Variants in PTPRD observed in about 807,000 individuals in gnomAD.
PTPRD encodes the protein receptor-type tyrosine-protein phosphatase delta.
In PTPRD, 34 loss-of-function variants were observed where a neutral mutation model predicts 214.5. The ratio of observed to expected loss-of-function variants is 0.16; its 90% CI spans 0.12 to 0.21. PTPRD has a LOEUF of 0.21. Among genes scored for constraint, PTPRD ranks in the 10% least tolerant of loss-of-function variants. The pLI is 1.00. For missense variants in PTPRD, 2,545 were observed against 2,398.7 expected, an observed-to-expected ratio of 1.06 and a Z score of -1.27; for synonymous variants, 1,128 against 845.7, an observed-to-expected ratio of 1.33 and a Z score of -5.79.
At chr9:8,894,483 G>T (rs1418297557) in intron 11 of PTPRD, among the ~76,000 whole-genome samples, 1 of 148,018 alleles carries the variant, frequency 6.8e-6, no homozygotes, top group Non-Finnish European at 1.5e-5. Flanking sequence ...AAAAACAAAA[G>T]TCCATGTATC....
intron 4 of PTPRD, among the ~76,000 whole-genome samples, chr9:9,974,444 C>T (rs942780180): frequency 1.3e-5 from 2 of 152,160 alleles, no homozygotes; most frequent in Admixed American, 6.5e-5. Flanking sequence ...TTTTGTCCCC[C>T]TTTCCACAAC....
chr9:9,382,735 A>G (rs1478342584), intron 9 of PTPRD, among the ~76,000 whole-genome samples: 1 of 152,086 alleles, frequency 6.6e-6, no homozygotes, highest in Non-Finnish European at 1.5e-5. Flanking sequence ...ATTATGAAAA[A>G]CATTATGCAG....
chr9:9,374,327 T>C (rs1596579889), intron 9 of PTPRD, among the ~76,000 whole-genome samples: 1 of 152,090 alleles, frequency 6.6e-6, no homozygotes, highest in Admixed American at 6.6e-5. Flanking sequence ...TTATATGTAA[T>C]TTCTATAATT....
Position 8,485,337 on chromosome 9 carries a change from G to GA in PTPRD, c.3056-14dup. On this transcript the variant is annotated splice_polypyrimidine_tract_variant and intron_variant, in intron 28 of 45. Coordinates refer to ENST00000381196, the MANE Select transcript of PTPRD (RefSeq NM_002839.4). Reference sequence around the variant, plus strand: ...TTTTTTGCAAACACTGCTGGAAAAGGAAAAACAGTGTATTTAAACTATTCT... The same window carrying GA: ...TTTTTTGCAAACACTGCTGGAAAAGGAAAAAACAGTGTATTTAAACTATTCT... 1 of 1,583,792 alleles carries GA rather than the reference G, an allele frequency of 6.3e-7. No homozygotes were observed. Among genetic ancestry groups the GA allele is most frequent in the Non-Finnish European group, 8.7e-7 (1 of 1,152,956 alleles).
Position 10,002,988 on chromosome 9 carries a change from C to T in PTPRD, c.-472+30730G>A, listed in dbSNP as rs1014667348. 2.6e-5 allele frequency among the ~76,000 whole-genome samples: 4 copies of T among 151,290 alleles called. 1 individual carries two copies. The highest frequency in any genetic ancestry group is 5.9e-5 in the Non-Finnish European group (4 of 67,658). ...AAAAATTTAAATTTAAATGAAAGACCACCAACTAAAATGAGATAAAATTAC... is the reference window on the plus strand; with the variant it reads ...AAAAATTTAAATTTAAATGAAAGACTACCAACTAAAATGAGATAAAATTAC... On this transcript the variant is annotated intron_variant, in intron 4 of 45. Coordinates refer to ENST00000381196, the MANE Select transcript of PTPRD (RefSeq NM_002839.4).
chr9:8,753,599 A>G (rs1160018611), intron 11 of PTPRD, among the ~76,000 whole-genome samples: 1 of 152,244 alleles, frequency 6.6e-6, no homozygotes, highest in African/African-American at 2.4e-5. Context: ...GTGAGGAGAC[A>G]TGATAACTAT....
chr9:9,886,997 A>C (rs2153751283), intron 5 of PTPRD, among the ~76,000 whole-genome samples: 1 of 152,170 alleles, frequency 6.6e-6, no homozygotes, highest in East Asian at 1.9e-4. Context: ...CCTGATCCAC[A>C]ACAAACCATG....
intron 9 of PTPRD, among the ~76,000 whole-genome samples, chr9:9,265,289 T>C (rs962930521): frequency 1.3e-5 from 2 of 151,638 alleles, no homozygotes; most frequent in African/African-American, 4.8e-5. Flanking sequence ...AGAGATAGCA[T>C]CTCATTCTGT....
intron 3 of PTPRD, among the ~76,000 whole-genome samples, chr9:10,283,942 G>A (rs527349233): frequency 1.3e-5 from 2 of 152,228 alleles, no homozygotes; most frequent in African/African-American, 2.4e-5. Flanking sequence ...GGCACAGGAT[G>A]GACTCCTATT....
chr9:9,310,693 C>T (rs567807102), intron 9 of PTPRD, among the ~76,000 whole-genome samples: 152 of 151,816 alleles, frequency 1.0e-3, no homozygotes, highest in East Asian at 6.0e-3. Flanking sequence ...GGAAGCAGGC[C>T]GATCACCTGA....
intron 2 of PTPRD, among the ~76,000 whole-genome samples, chr9:10,539,907 C>A (rs549384271): frequency 1.3e-5 from 2 of 152,282 alleles, no homozygotes; most frequent in East Asian, 1.9e-4. Context: ...GGTGTATCAA[C>A]AACAATCATT....
intron 8 of PTPRD, among the ~76,000 whole-genome samples, chr9:9,483,453 G>C (rs1589564809): frequency 6.6e-6 from 1 of 152,084 alleles, no homozygotes; most frequent in Middle Eastern, 3.2e-3. Context: ...TTGCAACCTA[G>C]AGGTGAGGAA....
At chr9:9,071,244 T>A (rs1195187907) in intron 10 of PTPRD, among the ~76,000 whole-genome samples, 3 of 152,190 alleles carry the variant, frequency 2.0e-5, no homozygotes, top group Non-Finnish European at 4.4e-5. Context: ...CCCTGTGTAA[T>A]CAATGCTCTC....
chr9:10,398,307 G>A (rs1026974797), intron 2 of PTPRD, among the ~76,000 whole-genome samples: 11 of 151,632 alleles, frequency 7.3e-5, no homozygotes, highest in African/African-American at 1.7e-4. Flanking sequence ...CTTGAGTCCC[G>A]AAGTTCGAGG....
chr9:8,379,752 C>G (rs2084378923), intron 37 of PTPRD, among the ~76,000 whole-genome samples: 1 of 152,158 alleles, frequency 6.6e-6, no homozygotes, highest in Admixed American at 6.6e-5. Context: ...CCTTTGAGTA[C>G]ATAAGAACTA....
intron 5 of PTPRD, among the ~76,000 whole-genome samples, chr9:9,842,536 CA>C (rs2058585500): frequency 6.6e-6 from 1 of 151,174 alleles, no homozygotes; most frequent in African/African-American, 2.4e-5. Flanking sequence ...TATTTGGGAA[CA>C]AAAAAGAGAG....
At chr9:9,416,999 C>A (rs1287410943) in intron 8 of PTPRD, among the ~76,000 whole-genome samples, 1 of 152,070 alleles carries the variant, frequency 6.6e-6, no homozygotes, top group East Asian at 1.9e-4. Flanking sequence ...CTTATGTATA[C>A]CAAGTAAGAT....
At chr9:10,083,281 A>G (rs906035780) in intron 3 of PTPRD, among the ~76,000 whole-genome samples, 3 of 151,972 alleles carry the variant, frequency 2.0e-5, no homozygotes, top group Non-Finnish European at 4.4e-5. Context: ...TTCGGTCTCC[A>G]TTTGGATTAG....
chr9:8,492,875 G>T lies in PTPRD; in HGVS notation c.2454C>A (p.Ser818=), dbSNP rs755058856. Reference sequence around the variant, plus strand: ...AGACATGATTACCTGCCCCAGTGGTGGACACCAGTTTGGGCTTGCTGCGAG... The same window carrying T: ...AGACATGATTACCTGCCCCAGTGGTTGACACCAGTTTGGGCTTGCTGCGAG... The part of the protein sequence containing the change: ...DGARSKPKLV[S]TTGAVPGKPR... The change falls in exon 27 of 46, where the codon TCC becomes TCA. Residue 818 remains serine (S), a synonymous_variant. Transcript: ENST00000381196. 1 of 1,613,172 alleles carries T rather than the reference G, an allele frequency of 6.2e-7. No homozygotes were observed. The highest frequency in any genetic ancestry group is 2.2e-5 in the East Asian group (1 of 44,856).
Sources: allele counts gnomAD v4.1 joint callset (sites outside exome capture counted in the v4.1 genomes callset), GRCh38; gene constraint gnomAD v4.1.1; transcripts MANE v1.5; gene names NCBI Gene and HGNC (gene_info 2026-07-23, HGNC 2026-07-21).